ARF4: variants seen among roughly 807,000 people sequenced by gnomAD.
ARF4 encodes the protein ARF GTPase 4.
In ARF4, 5 loss-of-function variants were observed where a neutral mutation model predicts 24.3. That is an observed-to-expected ratio of 0.21 (90% CI 0.11 to 0.43). The LOEUF (loss-of-function observed/expected upper bound fraction) is 0.43. ARF4 is among the 20% of genes least tolerant of loss of function. The pLI is 1.00. For missense variants in ARF4, 107 were observed against 213.0 expected (o/e 0.50, Z 3.10); for synonymous variants, 62 against 73.5 (o/e 0.84, Z 0.80).
intron 3 of ARF4, among the ~76,000 whole-genome samples, chr3:57,582,184 TG>T (rs2069981901): frequency 1.3e-5 from 2 of 152,246 alleles, no homozygotes; most frequent in South Asian, 4.1e-4. Flanking sequence ...TTTTAAAGCA[TG>T]TGCCTCTGTA....
Position 57,588,618 on chromosome 3 carries a change from C to T in ARF4, c.68-4154G>A, listed in dbSNP as rs539808118. 1.1e-4 allele frequency among the ~76,000 whole-genome samples: 16 copies of T among 147,864 alleles called. No homozygotes were observed. The South Asian group carries it at 3.2e-3, about 30-fold the overall frequency. On this transcript the variant is annotated intron_variant, in intron 1 of 5. Coordinates refer to ENST00000303436, the MANE Select transcript of ARF4 (RefSeq NM_001660.4). ...CCTGTAATCCCAGCACTTTGGGAAG[C>T]CAAGGCGGGTGGATCACCTGAAGTC... is the stretch of plus-strand genomic sequence containing the variant.
chr3:57,583,473 A>C (rs959865603), intron 3 of ARF4, among the ~76,000 whole-genome samples: 2 of 152,220 alleles, frequency 1.3e-5, no homozygotes, highest in African/African-American at 4.8e-5. Flanking sequence ...AATATCTTAC[A>C]AATCAATGCA....
chr3:57,581,267 G>C (rs1371527283), intron 3 of ARF4, among the ~76,000 whole-genome samples: 2 of 152,138 alleles, frequency 1.3e-5, no homozygotes, highest in Non-Finnish European at 2.9e-5. Context: ...GCTTAGCTTT[G>C]ATTCTATCAG....
chr3:57,577,762 G>A (rs967097166), intron 3 of ARF4, among the ~76,000 whole-genome samples: 2 of 152,072 alleles, frequency 1.3e-5, no homozygotes, highest in Admixed American at 6.6e-5. Context: ...TCGTGAATTT[G>A]GCCAGGCATG....
At chr3:57,572,548 T>C (rs949768299) in intron 5 of ARF4, among the ~76,000 whole-genome samples, 20 of 152,034 alleles carry the variant, frequency 1.3e-4, no homozygotes, top group South Asian at 2.1e-4. Flanking sequence ...TGGTGAGACT[T>C]TGTCTCTACT....
chr3:57,594,980 C>G (rs543542424), intron 1 of ARF4, among the ~76,000 whole-genome samples: 8 of 152,114 alleles, frequency 5.3e-5, no homozygotes, highest in Non-Finnish European at 1.2e-4. Flanking sequence ...GTTTTTTAGT[C>G]AAGGAAAACT....
intron 5 of ARF4, among the ~76,000 whole-genome samples, chr3:57,573,939 T>TTTTG (rs891098518): frequency 2.7e-5 from 4 of 150,564 alleles, no homozygotes; most frequent in East Asian, 2.0e-4. Flanking sequence ...GGTTGTTTTT[T>TTTTG]TTTGTTTGTT....
At chr3:57,573,517 T>G (rs1018757432) in intron 5 of ARF4, among the ~76,000 whole-genome samples, 7 of 152,186 alleles carry the variant, frequency 4.6e-5, no homozygotes, top group African/African-American at 1.7e-4. Flanking sequence ...AGGCTCAAAT[T>G]CATACCTTCA....
chr3:57,577,025 T>C (rs1000642980), intron 4 of ARF4, among the ~76,000 whole-genome samples: 9 of 150,994 alleles, frequency 6.0e-5, no homozygotes, highest in Non-Finnish European at 1.3e-4. Context: ...CAGCCAGAGA[T>C]AGGCATCAAG....
At chr3:57,584,926 T>C (rs1263030053) in intron 1 of ARF4, among the ~76,000 whole-genome samples, 1 of 152,134 alleles carries the variant, frequency 6.6e-6, no homozygotes, top group Non-Finnish European at 1.5e-5. Flanking sequence ...TGAAGTGGCA[T>C]GATCTCAGCT....
Position 57,584,576 on chromosome 3 carries a change from TA to T in ARF4, c.68-113del, listed in dbSNP as rs2070014510. 2.2e-5 allele frequency: 19 copies of T among 879,950 alleles called. 1 individual carries two copies. The highest frequency in any genetic ancestry group is 3.0e-5 in the Non-Finnish European group (17 of 560,248). 54.5% of individuals were successfully genotyped at this position (879,950 alleles called of 1,614,324 possible). A position where few individuals can be genotyped will look rare whatever the true frequency, so the allele number is the denominator to read the frequency against. On this transcript the variant is annotated intron_variant, in intron 1 of 5. Coordinates refer to ENST00000303436, the MANE Select transcript of ARF4 (RefSeq NM_001660.4). ...GAAGTTGACTGTTCAAGACAACTTC[TA>T]AATGAGTTAGAAATGAAATGACCTT...
At chr3:57,580,328 A>T (rs774536172) in intron 3 of ARF4, among the ~76,000 whole-genome samples, 3 of 152,210 alleles carry the variant, frequency 2.0e-5, no homozygotes, top group Non-Finnish European at 4.4e-5. Context: ...GCATTTATTT[A>T]GCAAATATGT....
Position 57,571,943 on chromosome 3 carries a change from G to A in ARF4, c.*269C>T. ...ACTCAAAACAATTTATTTAAAGGTTGCACAAGAGCTATGTCCAGGCATTTA... is the reference window on the plus strand; with the variant it reads ...ACTCAAAACAATTTATTTAAAGGTTACACAAGAGCTATGTCCAGGCATTTA... On this transcript the variant is annotated 3_prime_UTR_variant, in exon 6 of 6. Transcript: ENST00000303436. 3.0e-6 allele frequency: 1 copy of A among 329,376 alleles called. No homozygotes were observed. The highest frequency in any genetic ancestry group is 5.6e-6 in the Non-Finnish European group (1 of 179,664). 20.4% of individuals were successfully genotyped at this position (329,376 alleles called of 1,614,324 possible). A position where few individuals can be genotyped will look rare whatever the true frequency, so the allele number is the denominator to read the frequency against.
rs2069847959 is a variant in ARF4 at position 57,572,029 on chromosome 3, C to T, written c.*183G>A. The T allele has an allele frequency of 2.0e-6, 1 of 503,852 alleles. No homozygotes were observed. The highest frequency in any genetic ancestry group is 3.2e-5 in the South Asian group (1 of 31,454). 31.2% of individuals were successfully genotyped at this position (503,852 alleles called of 1,614,324 possible). A position where few individuals can be genotyped will look rare whatever the true frequency, so the allele number is the denominator to read the frequency against. On this transcript the variant is annotated 3_prime_UTR_variant, in exon 6 of 6. Transcript: ENST00000303436. ...TTTCCCAAGGAGAATTTCTTTAAAA[C>T]CAAGCACATTGCTAAATAGCAACAT...
intron 2 of ARF4, 98 bp from the exon 3 acceptor site, chr3:57,584,105 CTTTT>C: frequency 1.2e-6 from 1 of 849,582 alleles, no homozygotes. Context: ...TAAAGTACTT[CTTTT>C]TATTTTTAAA....
intron 3 of ARF4, among the ~76,000 whole-genome samples, chr3:57,581,527 G>C (rs544006294): frequency 6.6e-6 from 1 of 152,288 alleles, no homozygotes; most frequent in East Asian, 1.9e-4. Flanking sequence ...TTGGCCAAGC[G>C]CAGTAGCTCA....
At chr3:57,588,339 C>A (rs1459629289) in intron 1 of ARF4, among the ~76,000 whole-genome samples, 3 of 151,508 alleles carry the variant, frequency 2.0e-5, no homozygotes, top group Admixed American at 6.6e-5. Context: ...CTGAGGCAGG[C>A]GGATCGCTTG....
chr3:57,582,141 C>CCGA (rs1235724591), intron 3 of ARF4, among the ~76,000 whole-genome samples: 7 of 152,140 alleles, frequency 4.6e-5, no homozygotes, highest in Non-Finnish European at 8.8e-5. Context: ...AAGGAATGTT[C>CCGA]ACCTTGTATT....
chr3:57,584,369 T>C lies in ARF4; in HGVS notation c.148+15A>G, dbSNP rs202163662. 638 of 1,575,714 alleles carry C rather than the reference T, an allele frequency of 4.0e-4. 6 individuals carry two copies. In the Middle Eastern group the frequency reaches 0.018, roughly 46 times the overall value. On this transcript the variant is annotated intron_variant, in intron 2 of 5. Transcript: ENST00000303436. The stretch of plus-strand genomic sequence containing the variant: ...CAACATATCATGATATAAAGTCATC[T>C]GTAAACTTTCTTACCAATGGTAGGA...
Sources: gnomAD v4.1 joint callset for allele counts (sites outside exome capture counted in the v4.1 genomes callset) on GRCh38, gnomAD v4.1.1 for gene constraint, MANE v1.5 for transcripts, NCBI Gene and HGNC (gene_info 2026-07-23, HGNC 2026-07-21) for gene names.